MLIP: variants seen among roughly 807,000 people sequenced by gnomAD.
MLIP encodes the protein muscular LMNA interacting protein.
MLIP carries 79 observed loss-of-function variants against 84.8 expected under a neutral mutation model. The ratio of observed to expected loss-of-function variants is 0.93; its 90% CI spans 0.78 to 1.12. The LOEUF (loss-of-function observed/expected upper bound fraction) is 1.12, where lower values mean the gene tolerates loss of function less well. MLIP is among the 50% of genes most tolerant of loss of function. MLIP has a pLI of 0.00. For missense variants in MLIP, 1,257 were observed against 1,160.6 expected (o/e 1.08, Z -1.21); for synonymous variants, 504 against 463.0 (o/e 1.09, Z -1.14).
rs866674912 is a variant in MLIP, at chr6:54,251,817, G to T, written c.2923-5491G>T. ...TAATATAAATATATATATTATAACA[G>T]ATAATATAAATATATATATTATAAC... On this transcript the variant is annotated intron_variant, in intron 12 of 13. Coordinates refer to ENST00000502396, the MANE Select transcript of MLIP (RefSeq NM_001281747.2). 6.0e-3 allele frequency among the ~76,000 whole-genome samples: 398 copies of T among 66,786 alleles called. 4 individuals carry two copies. Among genetic ancestry groups the T allele is most frequent in the Non-Finnish European group, 8.5e-3 (337 of 39,540 alleles). 43.8% of individuals were successfully genotyped at this position (66,786 alleles called of 152,430 possible). A position where few individuals can be genotyped will look rare whatever the true frequency, so the allele number is the denominator to read the frequency against.
chr6:54,084,653 A>G (rs1458749553), intron 1 of MLIP, among the ~76,000 whole-genome samples: 1 of 152,204 alleles, frequency 6.6e-6, no homozygotes, highest in East Asian at 1.9e-4. Flanking sequence ...AAATTCAGGA[A>G]TTATTTTTTT....
chr6:54,194,553 C>T (rs1778163447), intron 10 of MLIP, among the ~76,000 whole-genome samples: 4 of 151,808 alleles, frequency 2.6e-5, no homozygotes, highest in Admixed American at 1.3e-4. Flanking sequence ...CATTATAAAA[C>T]TTTTTTTTGG....
intron 1 of MLIP, among the ~76,000 whole-genome samples, chr6:54,062,600 G>A (rs1188578282): frequency 6.6e-6 from 1 of 152,166 alleles, no homozygotes; most frequent in Non-Finnish European, 1.5e-5. Context: ...AGAAGTGTGG[G>A]AGAATGAAAG....
At chr6:54,031,049 T>A (rs1398661666) in intron 1 of MLIP, among the ~76,000 whole-genome samples, 1 of 152,198 alleles carries the variant, frequency 6.6e-6, no homozygotes, top group Admixed American at 6.5e-5. Context: ...ATGCTTCTTT[T>A]ATAGATCATG....
At chr6:54,194,174 T>G (rs960047626) in intron 10 of MLIP, among the ~76,000 whole-genome samples, 21 of 127,676 alleles carry the variant, frequency 1.6e-4, no homozygotes, top group African/African-American at 5.8e-4. Context: ...TAGTTCTGAA[T>G]GCCAGCTGAT....
chr6:54,115,229 A>T (rs921144074), intron 1 of MLIP, among the ~76,000 whole-genome samples: 1 of 152,094 alleles, frequency 6.6e-6, no homozygotes, highest in Admixed American at 6.5e-5. Context: ...TCAGAAATAG[A>T]GTAGGTAGGG....
intron 1 of MLIP, among the ~76,000 whole-genome samples, chr6:54,052,676 G>GT (rs542945874): frequency 2.0e-5 from 3 of 152,062 alleles, no homozygotes; most frequent in East Asian, 3.9e-4. Context: ...TTCTTTCACT[G>GT]TTTTTTTGGA....
chr6:54,063,721 CGTGT>C (rs368630379), intron 1 of MLIP, among the ~76,000 whole-genome samples: 1,531 of 143,182 alleles, frequency 0.011, 7 homozygotes, highest in Non-Finnish European at 0.015. Context: ...AGGTCAGTGG[CGTGT>C]GTGTGTGTGT....
intron 12 of MLIP, among the ~76,000 whole-genome samples, chr6:54,255,627 A>G (rs550545661): frequency 4.1e-4 from 63 of 152,316 alleles, no homozygotes; most frequent in African/African-American, 1.3e-3. Flanking sequence ...TAGGATAATC[A>G]ACACATAGTT....
intron 12 of MLIP, among the ~76,000 whole-genome samples, chr6:54,252,146 A>T (rs186214794): frequency 0.019 from 1,319 of 68,384 alleles, 92 homozygotes; most frequent in African/African-American, 0.1. Flanking sequence ...TATAACTATA[A>T]TATAACATAT....
chr6:54,077,676 TG>T (rs1766885727), intron 1 of MLIP, among the ~76,000 whole-genome samples: 2 of 152,188 alleles, frequency 1.3e-5, no homozygotes, highest in African/African-American at 4.8e-5. Context: ...AAGAGGCAGA[TG>T]CCATGTGTCA....
At chr6:54,102,947 G>C (rs949763802) in intron 1 of MLIP, among the ~76,000 whole-genome samples, 1 of 152,252 alleles carries the variant, frequency 6.6e-6, no homozygotes, top group East Asian at 1.9e-4. Context: ...TGGAGCCAGG[G>C]AAGCCCTCTT....
At chr6:54,046,737 C>G (rs12527071) in intron 1 of MLIP, 14,145 of 152,148 alleles carry the variant, frequency 0.093, 690 homozygotes, top group Middle Eastern at 0.12. Flanking sequence ...TGCCAATGAG[C>G]CAGGGACAGA....
At chr6:54,022,805 T>C (rs1763569638) in intron 1 of MLIP, among the ~76,000 whole-genome samples, 1 of 152,194 alleles carries the variant, frequency 6.6e-6, no homozygotes, top group Non-Finnish European at 1.5e-5. Context: ...TAATTTCTAT[T>C]GTATTAACAT....
At chr6:54,248,014 G>GT (rs1206825359) in intron 12 of MLIP, among the ~76,000 whole-genome samples, 1 of 152,062 alleles carries the variant, frequency 6.6e-6, no homozygotes, top group Non-Finnish European at 1.5e-5. Flanking sequence ...GAGGTAACTG[G>GT]TGGCAAATTA....
chr6:54,134,431 T>G (rs1443408829), intron 3 of MLIP, among the ~76,000 whole-genome samples: 1 of 151,950 alleles, frequency 6.6e-6, no homozygotes, highest in Non-Finnish European at 1.5e-5. Flanking sequence ...ATATGTTGCA[T>G]ATACTTATTA....
At chr6:54,216,009 CT>C (rs1779829894) in intron 11 of MLIP, 1 of 335,126 alleles carries the variant, frequency 3.0e-6, no homozygotes, top group African/African-American at 2.2e-5. Context: ...GGATTTCTTT[CT>C]TTTTTAAGGC....
chr6:54,125,719 A>G (rs1381567869), intron 3 of MLIP, among the ~76,000 whole-genome samples: 2 of 152,186 alleles, frequency 1.3e-5, no homozygotes, highest in African/African-American at 4.8e-5. Flanking sequence ...CTTCTTGACA[A>G]TGACCACGAA....
chr6:54,154,257 A>T (rs1187712505), intron 5 of MLIP, among the ~76,000 whole-genome samples: 1 of 152,138 alleles, frequency 6.6e-6, no homozygotes, highest in Non-Finnish European at 1.5e-5. Context: ...TTTTGCTCAT[A>T]AGCATAAAAA....
Sources: gnomAD v4.1 joint callset for allele counts (sites outside exome capture counted in the v4.1 genomes callset) on GRCh38, gnomAD v4.1.1 for gene constraint, MANE v1.5 for transcripts, NCBI Gene and HGNC (gene_info 2026-07-23, HGNC 2026-07-21) for gene names.